ZMYM5: variants seen among roughly 807,000 people sequenced by gnomAD.
ZMYM5 encodes zinc finger MYM-type protein 5.
Under a neutral mutation model 61.8 loss-of-function variants are expected in ZMYM5, and 41 were observed. The observed-to-expected ratio is 0.66, with a 90% confidence interval of 0.52 to 0.86. ZMYM5 has a LOEUF of 0.86. ZMYM5 is among the 40% of genes least tolerant of loss of function. The pLI is 0.00. For synonymous variants in ZMYM5, 257 were observed against 276.4 expected (o/e 0.93, Z 0.70); for missense variants, 706 against 786.7 (o/e 0.90, Z 1.23).
At chr13:19,845,600 G>A (rs943445021) in intron 4 of ZMYM5, among the ~76,000 whole-genome samples, 2 of 152,236 alleles carry the variant, frequency 1.3e-5, no homozygotes, top group Admixed American at 1.3e-4. Flanking sequence ...ACAAATCTGG[G>A]AGGGGCTCCC....
At position 19,859,901 on chromosome 13, in the gene ZMYM5, C is replaced by T. The variant is rs58386913; in HGVS notation, c.-11+2498G>A. ...GGGCGGATCACTTAGGTCAGGAGTT[C>T]GAGACCAGCCTGGCCAACATGGTCA... On this transcript the variant is annotated intron_variant, in intron 2 of 7. Coordinates refer to ENST00000337963, the MANE Select transcript of ZMYM5 (RefSeq NM_001142684.2). Among the ~76,000 whole-genome samples the T allele has an allele frequency of 1.0e-3, 151 of 150,102 alleles. 1 individual carries two copies. The highest frequency in any genetic ancestry group is 3.4e-3 in the Middle Eastern group (1 of 290).
At chr13:19,845,825 T>C (rs1953055245) in intron 4 of ZMYM5, among the ~76,000 whole-genome samples, 1 of 152,174 alleles carries the variant, frequency 6.6e-6, no homozygotes, top group Non-Finnish European at 1.5e-5. Flanking sequence ...CACTGATGTG[T>C]TCACCAACCA....
At position 19,824,861 on chromosome 13, in the gene ZMYM5, C is replaced by T. The variant is rs369665164; in HGVS notation, c.1626G>A (p.Pro542=). 27 of 1,353,100 alleles carry T rather than the reference C, an allele frequency of 2.0e-5. No homozygotes were observed. The highest frequency in any genetic ancestry group is 4.6e-5 in the South Asian group (4 of 86,104). 83.8% of individuals were successfully genotyped at this position (1,353,100 alleles called of 1,614,324 possible). ...GAAAGTTAAAATTTCTTACTTGAGG[C>T]GGAACATTTTCAACAAGAGTGTCCC... ...KQRDTLVENV[P]PQVRNFNFPK... is the part of the protein sequence containing the mutation. Residue 542 remains proline (P), a synonymous_variant, in exon 8 of 8, where the codon CCG becomes CCA. Transcript: ENST00000337963.
chr13:19,843,779 T>A (rs1453573475), intron 4 of ZMYM5: 2 of 148,418 alleles, frequency 1.3e-5, no homozygotes, highest in Non-Finnish European at 3.0e-5. Context: ...GAGGTTGTAG[T>A]GAGCTGAGAT....
At chr13:19,837,582 A>G in intron 6 of ZMYM5, 74 bp downstream of exon 6, 1 of 1,607,076 alleles carries the variant, frequency 6.2e-7, no homozygotes, top group Non-Finnish European at 8.5e-7. Flanking sequence ...TAGATGAAAG[A>G]GTACATAATA....
intron 4 of ZMYM5, among the ~76,000 whole-genome samples, chr13:19,841,166 T>C (rs563186326): frequency 6.6e-6 from 1 of 152,032 alleles, no homozygotes; most frequent in East Asian, 1.9e-4. Flanking sequence ...GGTTTCACCA[T>C]GTTGGTCAGG....
intron 6 of ZMYM5, among the ~76,000 whole-genome samples, chr13:19,837,126 G>T (rs887227034): frequency 1.7e-4 from 26 of 151,838 alleles, no homozygotes; most frequent in African/African-American, 6.3e-4. Context: ...CCGCCTCCCT[G>T]GTTCAAGCGA....
At chr13:19,859,720 T>C (rs1953658669) in intron 2 of ZMYM5, among the ~76,000 whole-genome samples, 1 of 151,840 alleles carries the variant, frequency 6.6e-6, no homozygotes, top group Non-Finnish European at 1.5e-5. Flanking sequence ...AGTTCCCAAT[T>C]CTTAATCATA....
intron 4 of ZMYM5, among the ~76,000 whole-genome samples, chr13:19,839,627 C>T (rs1210236999): frequency 6.6e-6 from 1 of 152,118 alleles, no homozygotes; most frequent in African/African-American, 2.4e-5. Context: ...CCACCTGCCT[C>T]AGCCTCCCAA....
At chr13:19,863,007 G>C (rs1285947392) in intron 1 of ZMYM5, among the ~76,000 whole-genome samples, 2 of 152,238 alleles carry the variant, frequency 1.3e-5, no homozygotes, top group Non-Finnish European at 2.9e-5. Context: ...GGGACCCAGC[G>C]GGGCAGAGGC....
At chr13:19,851,254 G>A in intron 4 of ZMYM5, 101 bp downstream of exon 4, 4 of 1,126,446 alleles carry the variant, frequency 3.6e-6, no homozygotes, top group Non-Finnish European at 5.2e-6. Flanking sequence ...AACAAAAAAA[G>A]CAAAGCCACA....
intron 6 of ZMYM5, 78 bp downstream of exon 6, chr13:19,837,578 A>T: frequency 1.9e-6 from 3 of 1,608,288 alleles, no homozygotes; most frequent in Non-Finnish European, 2.5e-6. Context: ...TATGTAGATG[A>T]AAGAGTACAT....
intron 4 of ZMYM5, among the ~76,000 whole-genome samples, chr13:19,851,147 G>A (rs1167327038): frequency 2.0e-5 from 3 of 152,080 alleles, no homozygotes; most frequent in Admixed American, 6.6e-5. Flanking sequence ...CCTGGGAGGC[G>A]GAGGTTGCAA....
intron 7 of ZMYM5, among the ~76,000 whole-genome samples, chr13:19,831,107 G>C (rs1257641998): frequency 6.9e-6 from 1 of 143,982 alleles, no homozygotes; most frequent in Non-Finnish European, 1.5e-5. Flanking sequence ...GATTACAGGC[G>C]TGAGCCACCA....
intron 2 of ZMYM5, 86 bp downstream of exon 2, chr13:19,862,313 A>C (rs938829364): frequency 6.6e-6 from 1 of 152,008 alleles, no homozygotes; most frequent in African/African-American, 2.4e-5. Flanking sequence ...AGATAACACA[A>C]AGGCAAATCC....
At position 19,857,085 on chromosome 13, in the gene ZMYM5, G is replaced by A. The variant is rs373705853; in HGVS notation, c.-10-4895C>T. Among the ~76,000 whole-genome samples, 31 of 152,300 alleles carry A rather than the reference G, an allele frequency of 2.0e-4. No individual in the cohort carries two copies. The East Asian group carries it at 3.3e-3, about 16-fold the overall frequency. On this transcript the variant is annotated intron_variant, in intron 2 of 7. Coordinates refer to ENST00000337963, the MANE Select transcript of ZMYM5 (RefSeq NM_001142684.2). ...CCCGCCACTGCACTCCAGCCTGGGC[G>A]ACAGAGCGAGACTCCGTCTCAAAAC...
intron 5 of ZMYM5, 24 bp from the exon 6 acceptor site, chr13:19,837,845 TA>T (rs773468723): frequency 6.4e-7 from 1 of 1,566,436 alleles, no homozygotes; most frequent in South Asian, 1.2e-5. Flanking sequence ...GATAGACACA[TA>T]ATTTAAGAAC....
At position 19,852,083 on chromosome 13, in the gene ZMYM5, T is replaced by TC. The variant is rs755382228; in HGVS notation, c.97dup (p.Asp33GlyfsTer13). 1.2e-6 allele frequency: 2 copies of TC among 1,613,770 alleles called. No homozygotes were observed. Among genetic ancestry groups the TC allele is most frequent in the African/African-American group, 2.7e-5 (2 of 74,916 alleles). ...AGGACAAGCTGGATGACCAAATGAA[T>TC]CCCCTATGTCCATGAGACTAGTTGC... is the stretch of plus-strand genomic sequence containing the variant. On this transcript the variant is annotated frameshift_variant, in exon 3 of 8. Transcript: ENST00000337963. LOFTEE classifies it high-confidence loss of function.
intron 4 of ZMYM5, among the ~76,000 whole-genome samples, chr13:19,844,595 C>A (rs1051858250): frequency 2.0e-5 from 3 of 152,152 alleles, no homozygotes; most frequent in Admixed American, 6.5e-5. Flanking sequence ...ATAACACCTA[C>A]TGTTAAGGAG....
Sources: allele counts gnomAD v4.1 joint callset (sites outside exome capture counted in the v4.1 genomes callset), GRCh38; gene constraint gnomAD v4.1.1; transcripts MANE v1.5; gene names NCBI Gene and HGNC (gene_info 2026-07-23, HGNC 2026-07-21).